Variants in SOCS6 observed in about 807,000 individuals in gnomAD.
The protein encoded by SOCS6 is suppressor of cytokine signaling 6, also known as STAT induced STAT inhibitor-4.
Under a neutral mutation model 27.7 loss-of-function variants are expected in SOCS6, and 5 were observed. That is an observed-to-expected ratio of 0.18 (90% confidence interval 0.09 to 0.38). The LOEUF is 0.38. Ranked by LOEUF, SOCS6 falls within the 10% of genes least tolerant of loss-of-function variation. The pLI is 1.00. For synonymous variants in SOCS6, 271 were observed against 260.0 expected, an observed-to-expected ratio of 1.04 and a Z score of -0.41; for missense variants, 595 against 688.1, an observed-to-expected ratio of 0.86 and a Z score of 1.51.
intron 1 of SOCS6, among the ~76,000 whole-genome samples, chr18:70,307,835 T>G (rs1310897375): frequency 6.6e-6 from 1 of 152,170 alleles, no homozygotes; most frequent in Non-Finnish European, 1.5e-5. Flanking sequence ...TTTTTCTGTT[T>G]TCTATTTTAT....
intron 1 of SOCS6, among the ~76,000 whole-genome samples, chr18:70,312,982 A>G (rs41427848): frequency 0.084 from 12,813 of 151,904 alleles, 603 homozygotes; most frequent in Middle Eastern, 0.18. Context: ...GGCTTTCACC[A>G]TGTTGGCCGG....
intron 1 of SOCS6, among the ~76,000 whole-genome samples, chr18:70,308,156 T>C (rs2062376787): frequency 6.6e-6 from 1 of 152,224 alleles, no homozygotes; most frequent in Admixed American, 6.5e-5. Flanking sequence ...AGATATATCA[T>C]TAATTTACTT....
In SOCS6 at chr18:70,319,785, C is replaced by A. The variant is rs368929411; in HGVS notation, c.-126-4758C>A. The stretch of plus-strand genomic sequence containing the variant: ...CATACTGAAGAAGGAAGAGTGTCTC[C>A]AGGGGAAGCGCTTGTTTGAATTGCT... On this transcript the variant is annotated intron_variant, in intron 1 of 1. Coordinates refer to ENST00000397942, the MANE Select transcript of SOCS6 (RefSeq NM_004232.4). 2.0e-5 allele frequency among the ~76,000 whole-genome samples: 3 copies of A among 151,902 alleles called. No homozygotes were observed. The South Asian group carries it at 6.2e-4, about 32-fold the overall frequency.
In SOCS6 at chr18:70,328,358, G is replaced by A. The variant is rs374846809; in HGVS notation, c.*2082G>A. On this transcript the variant is annotated 3_prime_UTR_variant, in exon 2 of 2. Transcript: ENST00000397942. Reference sequence around the variant, plus strand: ...TCCGTGTCTCCAGAAGCATTTACATGTCCTCCTTGTGAGATCATGGTGCAC... The same window carrying A: ...TCCGTGTCTCCAGAAGCATTTACATATCCTCCTTGTGAGATCATGGTGCAC... 6.0e-6 allele frequency: 1 copy of A among 166,598 alleles called. No homozygotes were observed. Among genetic ancestry groups the A allele is most frequent in the Admixed American group, 6.5e-5 (1 of 15,276 alleles). 10.3% of individuals were successfully genotyped at this position (166,598 alleles called of 1,614,324 possible).
chr18:70,298,661 G>T (rs1275260491), intron 1 of SOCS6, among the ~76,000 whole-genome samples: 1 of 152,092 alleles, frequency 6.6e-6, no homozygotes, highest in Non-Finnish European at 1.5e-5. Context: ...TATCAATGTT[G>T]CCCAGGTCTC....
chr18:70,312,298 AT>A (rs2062393815), intron 1 of SOCS6, among the ~76,000 whole-genome samples: 1 of 152,128 alleles, frequency 6.6e-6, no homozygotes, highest in South Asian at 2.1e-4. Context: ...TAGGTCAATG[AT>A]CAAGTAATGT....
chr18:70,305,514 AT>A (rs1398227031), intron 1 of SOCS6, among the ~76,000 whole-genome samples: 1 of 152,206 alleles, frequency 6.6e-6, no homozygotes, highest in African/African-American at 2.4e-5. Context: ...CACTTTCGAA[AT>A]TGGATAGTGT....
intron 1 of SOCS6, 47 bp from the exon 2 acceptor site, chr18:70,324,496 G>A (rs796847052): frequency 1.3e-5 from 7 of 524,168 alleles, no homozygotes; most frequent in Non-Finnish European, 2.0e-5. Flanking sequence ...CAAAACTTTT[G>A]TGGAAATATT....
At chr18:70,293,773 A>G (rs1285209563) in intron 1 of SOCS6, among the ~76,000 whole-genome samples, 2 of 152,068 alleles carry the variant, frequency 1.3e-5, no homozygotes, top group African/African-American at 2.4e-5. Context: ...AATAATGATG[A>G]TGTTTCTCTC....
chr18:70,315,858 T>TTTTTTG (rs2062409114), intron 1 of SOCS6, among the ~76,000 whole-genome samples: 1 of 152,066 alleles, frequency 6.6e-6, no homozygotes, highest in South Asian at 2.1e-4. Flanking sequence ...TTTGATATGT[T>TTTTTTG]TTTTTGTTTT....
chr18:70,316,616 T>C (rs1366495768), intron 1 of SOCS6, among the ~76,000 whole-genome samples: 5 of 152,180 alleles, frequency 3.3e-5, no homozygotes, highest in Non-Finnish European at 7.3e-5. Flanking sequence ...CCAGTTTATC[T>C]TGAATGCAGT....
rs1019810232 is a variant in SOCS6 at position 70,330,020 on chromosome 18, G to A, written c.*3744G>A. ...TTTCTGTATGTTTCAAATCAGGTGT[G>A]TACCATTTGTACTGAGAACACCACA... On this transcript the variant is annotated 3_prime_UTR_variant, in exon 2 of 2. Coordinates refer to ENST00000397942, the MANE Select transcript of SOCS6 (RefSeq NM_004232.4). 6.0e-6 allele frequency: 1 copy of A among 167,040 alleles called. No individual in the cohort carries two copies. Among genetic ancestry groups the A allele is most frequent in the East Asian group, 1.9e-4 (1 of 5,200 alleles). The allele number at this position is 167,040 out of a possible 1,614,324, so 10.3% of individuals were successfully genotyped here. A position where few individuals can be genotyped will look rare whatever the true frequency, so the allele number is the denominator to read the frequency against.
Position 70,326,496 on chromosome 18 carries a change from G to A in SOCS6, c.*220G>A. 1 of 536,872 alleles carries A rather than the reference G, an allele frequency of 1.9e-6. No individual in the cohort carries two copies. Among genetic ancestry groups the A allele is most frequent in the Non-Finnish European group, 3.4e-6 (1 of 296,638 alleles). The allele number at this position is 536,872 out of a possible 1,614,324, so 33.3% of individuals were successfully genotyped here. A position where few individuals can be genotyped will look rare whatever the true frequency, so the allele number is the denominator to read the frequency against. ...AGGGAAGTCTTGAGGTTTTAGAGGT[G>A]TGAATTATGTTTCATCAATGTGCAG... On this transcript the variant is annotated 3_prime_UTR_variant, in exon 2 of 2. Coordinates refer to ENST00000397942, the MANE Select transcript of SOCS6 (RefSeq NM_004232.4).
Position 70,327,975 on chromosome 18 carries a change from G to A in SOCS6, c.*1699G>A, listed in dbSNP as rs532236196. Reference sequence around the variant, plus strand: ...AGGCACAATGCCATAATATTATGGTGTTATGGTATTTTGACTTAAAGGGGA... The same window carrying A: ...AGGCACAATGCCATAATATTATGGTATTATGGTATTTTGACTTAAAGGGGA... On this transcript the variant is annotated 3_prime_UTR_variant, in exon 2 of 2. Transcript: ENST00000397942. The A allele has an allele frequency of 1.8e-5, 3 of 167,082 alleles. No homozygotes were observed. Among genetic ancestry groups the A allele is most frequent in the Non-Finnish European group, 4.4e-5 (3 of 68,084 alleles). 10.3% of individuals were successfully genotyped at this position (167,082 alleles called of 1,614,324 possible). A position where few individuals can be genotyped will look rare whatever the true frequency, so the allele number is the denominator to read the frequency against.
At chr18:70,289,577 C>G (rs1486645398) in intron 1 of SOCS6, among the ~76,000 whole-genome samples, 1 of 147,042 alleles carries the variant, frequency 6.8e-6, no homozygotes, top group Non-Finnish European at 1.5e-5. Context: ...CGGGTCCCTC[C>G]TCGGACCTCC....
chr18:70,303,928 G>T (rs758898656), intron 1 of SOCS6, among the ~76,000 whole-genome samples: 2 of 152,140 alleles, frequency 1.3e-5, no homozygotes, highest in South Asian at 4.1e-4. Context: ...TCTTGTGAGG[G>T]TTAATATTTT....
At position 70,299,407 on chromosome 18, in the gene SOCS6, C is replaced by T. The variant is rs551043248; in HGVS notation, c.-127+10317C>T. ...GTAGAAGAGGTGCACGGAGCAAGCA[C>T]GGGGGGACGTGGAGTTTCTGTGCCC... On this transcript the variant is annotated intron_variant, in intron 1 of 1. Coordinates refer to ENST00000397942, the MANE Select transcript of SOCS6 (RefSeq NM_004232.4). Among the ~76,000 whole-genome samples, 9 of 152,296 alleles carry T rather than the reference C, an allele frequency of 5.9e-5. No homozygotes were observed. The South Asian group carries it at 1.7e-3, about 28-fold the overall frequency.
At chr18:70,317,424 G>A (rs535156353) in intron 1 of SOCS6, among the ~76,000 whole-genome samples, 1 of 151,348 alleles carries the variant, frequency 6.6e-6, no homozygotes, top group African/African-American at 2.4e-5. Flanking sequence ...TCCATGGTGT[G>A]TGTGTGTGTG....
At chr18:70,322,430 G>A (rs1911025573) in intron 1 of SOCS6, among the ~76,000 whole-genome samples, 1 of 152,138 alleles carries the variant, frequency 6.6e-6, no homozygotes, top group South Asian at 2.1e-4. Context: ...AATATGGATT[G>A]GTAGTTGAAA....
Sources: gnomAD v4.1 joint callset for allele counts (sites outside exome capture counted in the v4.1 genomes callset) on GRCh38, gnomAD v4.1.1 for gene constraint, MANE v1.5 for transcripts, NCBI Gene and HGNC (gene_info 2026-07-23, HGNC 2026-07-21) for gene names.